The following TBCK variants were observed in gnomAD, a reference collection of about 807,000 sequenced individuals.
The protein encoded by TBCK is TBC1 domain containing kinase, also known as TBC domain-containing protein kinase-like protein.
TBCK carries 99 observed loss-of-function variants against 113.4 expected under a neutral mutation model. That is an observed-to-expected ratio of 0.87 (90% confidence interval 0.74 to 1.03). The LOEUF is 1.03. Ranked by LOEUF, TBCK falls within the 50% of genes least tolerant of loss-of-function variation. The pLI is 0.00. For synonymous variants in TBCK, 369 were observed against 370.8 expected (o/e 1.00, Z 0.05); for missense variants, 1,045 against 1,061.3 (o/e 0.98, Z 0.21).
intron 22 of TBCK, among the ~76,000 whole-genome samples, chr4:106,184,022 T>C (rs532637293): frequency 1.4e-4 from 22 of 152,008 alleles, no homozygotes; most frequent in Non-Finnish European, 2.8e-4. Flanking sequence ...TTCTCCCTAA[T>C]AAGTGAAATA....
At chr4:106,086,360 C>T (rs1233982897) in intron 25 of TBCK, among the ~76,000 whole-genome samples, 1 of 152,166 alleles carries the variant, frequency 6.6e-6, no homozygotes, top group Non-Finnish European at 1.5e-5. Flanking sequence ...GGGATGCATA[C>T]ACCCTACCAA....
At chr4:106,246,883 C>T (rs1560901481) in intron 10 of TBCK, among the ~76,000 whole-genome samples, 1 of 152,066 alleles carries the variant, frequency 6.6e-6, no homozygotes, top group Non-Finnish European at 1.5e-5. Flanking sequence ...CAGGATATCT[C>T]TACGTTGACC....
chr4:106,170,822 A>T (rs1750901004), intron 23 of TBCK, among the ~76,000 whole-genome samples: 1 of 152,044 alleles, frequency 6.6e-6, no homozygotes, highest in Non-Finnish European at 1.5e-5. Context: ...CTCACTATAT[A>T]ACCAATTGAT....
intron 20 of TBCK, among the ~76,000 whole-genome samples, chr4:106,204,181 A>T (rs2149852494): frequency 6.6e-6 from 1 of 152,306 alleles, no homozygotes; most frequent in African/African-American, 2.4e-5. Flanking sequence ...AAACTTCATT[A>T]TGAGGTAGAA....
chr4:106,179,856 A>G (rs180787502), intron 22 of TBCK, among the ~76,000 whole-genome samples: 12 of 152,136 alleles, frequency 7.9e-5, no homozygotes, highest in African/African-American at 2.9e-4. Flanking sequence ...CCCTTCTATT[A>G]TAACACTGCA....
intron 20 of TBCK, among the ~76,000 whole-genome samples, chr4:106,208,264 C>A (rs897656554): frequency 2.0e-5 from 3 of 152,156 alleles, no homozygotes; most frequent in Non-Finnish European, 4.4e-5. Context: ...AGATACAGGT[C>A]TCATACATAT....
At chr4:106,277,594 G>C (rs893290896) in intron 3 of TBCK, among the ~76,000 whole-genome samples, 1 of 152,106 alleles carries the variant, frequency 6.6e-6, no homozygotes, top group Non-Finnish European at 1.5e-5. Flanking sequence ...ACACAAAACA[G>C]TATATACTGA....
chr4:106,158,272 G>A (rs988735720), intron 23 of TBCK, among the ~76,000 whole-genome samples: 5 of 152,078 alleles, frequency 3.3e-5, no homozygotes, highest in African/African-American at 7.2e-5. Context: ...ACAACAGGCC[G>A]GGCGTGGTGG....
intron 20 of TBCK, among the ~76,000 whole-genome samples, chr4:106,204,365 A>G (rs1019285917): frequency 2.0e-5 from 3 of 152,222 alleles, no homozygotes; most frequent in African/African-American, 7.2e-5. Context: ...TCTTGGTCAC[A>G]GGCCCTGGCG....
intron 24 of TBCK, among the ~76,000 whole-genome samples, chr4:106,097,720 GAC>G (rs1741093619): frequency 6.6e-6 from 1 of 152,088 alleles, no homozygotes; most frequent in South Asian, 2.1e-4. Context: ...GCAACTTCTA[GAC>G]ATTTGAGAGG....
intron 25 of TBCK, among the ~76,000 whole-genome samples, chr4:106,084,510 C>G (rs1411322729): frequency 1.3e-5 from 2 of 152,148 alleles, no homozygotes; most frequent in African/African-American, 2.4e-5. Context: ...CTGGAAAACA[C>G]ACTTCAGGAT....
intron 23 of TBCK, among the ~76,000 whole-genome samples, chr4:106,136,085 T>C (rs1249216202): frequency 7.0e-6 from 1 of 141,940 alleles, no homozygotes; most frequent in Non-Finnish European, 1.6e-5. Flanking sequence ...AATATCTAGA[T>C]TAAGTGATGG....
At chr4:106,060,238 GGAA>G (rs1735888975) in intron 25 of TBCK, among the ~76,000 whole-genome samples, 1 of 151,760 alleles carries the variant, frequency 6.6e-6, no homozygotes, top group South Asian at 2.1e-4. Context: ...GCCTTTGATT[GGAA>G]GAAGATGCCA....
At chr4:106,141,898 G>A (rs925949380) in intron 23 of TBCK, among the ~76,000 whole-genome samples, 1 of 140,632 alleles carries the variant, frequency 7.1e-6, no homozygotes, top group African/African-American at 2.5e-5. Flanking sequence ...TAGAAACACA[G>A]CACCAAACAC....
chr4:106,229,403 T>C (rs1042939221), intron 19 of TBCK, among the ~76,000 whole-genome samples: 3 of 151,942 alleles, frequency 2.0e-5, no homozygotes, highest in Admixed American at 2.0e-4. Flanking sequence ...CTTTAAACCA[T>C]TTTGATTTGA....
chr4:106,252,045 G>C, intron 5 of TBCK, 38 bp from the exon 6 acceptor site: 1 of 1,531,172 alleles, frequency 6.5e-7, no homozygotes, highest in Non-Finnish European at 8.9e-7. Flanking sequence ...AATTACAACA[G>C]GGAAAGAAGC....
intron 20 of TBCK, among the ~76,000 whole-genome samples, chr4:106,208,696 C>CA (rs1325064459): frequency 6.6e-6 from 1 of 152,136 alleles, no homozygotes; most frequent in Non-Finnish European, 1.5e-5. Flanking sequence ...CACCAAACGG[C>CA]AAGTGCAAAC....
chr4:106,064,384 T>C (rs1469732245), intron 25 of TBCK, among the ~76,000 whole-genome samples: 1 of 151,912 alleles, frequency 6.6e-6, no homozygotes, highest in African/African-American at 2.4e-5. Context: ...TATTCAGATA[T>C]ACATTACTCT....
intron 5 of TBCK, chr4:106,255,109 C>G: frequency 4.1e-6 from 1 of 244,148 alleles, no homozygotes; most frequent in Middle Eastern, 7.1e-4. Context: ...AACATCTTTA[C>G]AATACTAACC....
Sources: allele counts gnomAD v4.1 joint callset (sites outside exome capture counted in the v4.1 genomes callset), GRCh38; gene constraint gnomAD v4.1.1; transcripts MANE v1.5; gene names NCBI Gene and HGNC (gene_info 2026-07-23, HGNC 2026-07-21).